ARNT2: variants seen among roughly 807,000 people sequenced by gnomAD.
The protein encoded by ARNT2 is aryl hydrocarbon receptor nuclear translocator 2, also known as ARNT protein 2.
A neutral mutation model predicts 91.7 loss-of-function variants in ARNT2; 36 were observed. That is an observed-to-expected ratio of 0.39 (90% CI 0.30 to 0.52). The LOEUF (loss-of-function observed/expected upper bound fraction) is 0.52, where lower values mean the gene tolerates loss of function less well. ARNT2 is among the 20% of genes least tolerant of loss of function. The pLI, the probability that ARNT2 is intolerant of heterozygous loss-of-function variation, is 0.72. For synonymous variants in ARNT2, 365 were observed against 347.1 expected, an observed-to-expected ratio of 1.05 and a Z score of -0.57; for missense variants, 775 against 939.3, an observed-to-expected ratio of 0.83 and a Z score of 2.29.
intron 1 of ARNT2, among the ~76,000 whole-genome samples, chr15:80,415,154 C>G (rs186025610): frequency 2.6e-5 from 4 of 152,230 alleles, no homozygotes; most frequent in African/African-American, 9.6e-5. Flanking sequence ...GCCTTATTCC[C>G]AGCTGCTTGC....
chr15:80,546,342 T>C (rs1276352374), intron 8 of ARNT2, among the ~76,000 whole-genome samples: 1 of 152,220 alleles, frequency 6.6e-6, no homozygotes, highest in Non-Finnish European at 1.5e-5. Flanking sequence ...CCAAAAGCCA[T>C]GCTCATGACT....
chr15:80,480,121 G>A (rs1896863768), intron 5 of ARNT2, among the ~76,000 whole-genome samples: 1 of 152,164 alleles, frequency 6.6e-6, no homozygotes, highest in Admixed American at 6.5e-5. Flanking sequence ...GATGGAGCAT[G>A]GAGGTGCCAG....
At chr15:80,454,462 CTA>C (rs1191795346) in intron 2 of ARNT2, among the ~76,000 whole-genome samples, 2 of 152,230 alleles carry the variant, frequency 1.3e-5, no homozygotes, top group African/African-American at 4.8e-5. Context: ...AGCCAATGGA[CTA>C]TTTTCAAGTT....
intron 12 of ARNT2, among the ~76,000 whole-genome samples, chr15:80,569,929 A>C (rs1361885845): frequency 1.3e-5 from 2 of 152,244 alleles, no homozygotes; most frequent in African/African-American, 2.4e-5. Context: ...CCTGGGCCAG[A>C]GAATGGTTCA....
At chr15:80,518,296 T>TG (rs1161624625) in intron 8 of ARNT2, among the ~76,000 whole-genome samples, 6 of 145,630 alleles carry the variant, frequency 4.1e-5, no homozygotes, top group African/African-American at 1.5e-4. Flanking sequence ...TTTTTTTTTT[T>TG]TTTGAGATGG....
In ARNT2 at chr15:80,404,772, C is replaced by T. The variant is rs1379542326; in HGVS notation, c.31+226C>T. Among the ~76,000 whole-genome samples, 9 of 152,178 alleles carry T rather than the reference C, an allele frequency of 5.9e-5. No individual in the cohort carries two copies. In the East Asian group the frequency reaches 1.6e-3, roughly 26 times the overall value. ...CCGGGCAGGCGCCGGTCCGGACCCG[C>T]GGGCGGCCGGACGCTGGCCTCGCAT... On this transcript the variant is annotated intron_variant, in intron 1 of 18. Coordinates refer to ENST00000303329, the MANE Select transcript of ARNT2 (RefSeq NM_014862.4). The surrounding 1 kb of genome is among the most constrained non-coding windows in gnomAD (Gnocchi z 5.5).
chr15:80,448,297 A>G (rs909737688), intron 1 of ARNT2, among the ~76,000 whole-genome samples: 2 of 152,218 alleles, frequency 1.3e-5, no homozygotes, highest in Admixed American at 6.5e-5. Flanking sequence ...TTTTTACTCA[A>G]TATTGCTCTG....
At position 80,426,090 on chromosome 15, in the gene ARNT2, C is replaced by T. The variant is rs566863297; in HGVS notation, c.31+21544C>T. ...AAAAGAAAAGAAAAGAAAAGAAACT[C>T]TATAGGATACGTTTCTTTTTCACTC... is the stretch of plus-strand genomic sequence containing the variant. On this transcript the variant is annotated intron_variant, in intron 1 of 18. Transcript: ENST00000303329. Among the ~76,000 whole-genome samples, 4 of 132,226 alleles carry T rather than the reference C, an allele frequency of 3.0e-5. No homozygotes were observed. The South Asian group carries it at 9.2e-4, about 30-fold the overall frequency. The allele number at this position is 132,226 out of a possible 152,430, so 86.7% of individuals were successfully genotyped here. A position where few individuals can be genotyped will look rare whatever the true frequency, so the allele number is the denominator to read the frequency against.
chr15:80,580,746 A>C (rs760918817), intron 16 of ARNT2, among the ~76,000 whole-genome samples, 197 bp downstream of exon 16: 8 of 152,192 alleles, frequency 5.3e-5, no homozygotes, highest in Non-Finnish European at 1.0e-4. Context: ...CTGCAACTTC[A>C]GCAGCCTTTT....
At chr15:80,585,141 C>T (rs557830920) in intron 17 of ARNT2, among the ~76,000 whole-genome samples, 3 of 152,316 alleles carry the variant, frequency 2.0e-5, no homozygotes, top group South Asian at 2.1e-4. Context: ...AGACCTTTCA[C>T]GTTATCTTGA....
intron 12 of ARNT2, among the ~76,000 whole-genome samples, chr15:80,571,591 C>G (rs547802913): frequency 6.6e-6 from 1 of 152,262 alleles, no homozygotes; most frequent in South Asian, 2.1e-4. Context: ...AGTGGAGGGA[C>G]TGGCTGGAAA....
intron 3 of ARNT2, among the ~76,000 whole-genome samples, chr15:80,466,070 G>T (rs1479714186): frequency 1.3e-5 from 2 of 152,222 alleles, no homozygotes; most frequent in Non-Finnish European, 1.5e-5. Context: ...CCAGCATGGG[G>T]CTGTCTCATT....
chr15:80,433,981 G>C (rs1371649530), intron 1 of ARNT2: 1 of 152,250 alleles, frequency 6.6e-6, no homozygotes, highest in Admixed American at 6.5e-5. Flanking sequence ...GTATGAGGCA[G>C]GACCCTCTCT....
intron 1 of ARNT2, among the ~76,000 whole-genome samples, chr15:80,428,124 TGA>T (rs1895958405): frequency 6.6e-6 from 1 of 152,232 alleles, no homozygotes; most frequent in African/African-American, 2.4e-5. Context: ...GCTGAATGAC[TGA>T]GTGGAAGACT....
At chr15:80,530,402 C>G (rs772558593) in intron 8 of ARNT2, among the ~76,000 whole-genome samples, 1 of 152,136 alleles carries the variant, frequency 6.6e-6, no homozygotes, top group African/African-American at 2.4e-5. Flanking sequence ...GATCTGCTCT[C>G]CCTCACAACA....
At position 80,499,430 on chromosome 15, in the gene ARNT2, A is replaced by G. The variant is rs115488554; in HGVS notation, c.623-8726A>G. Among the ~76,000 whole-genome samples, 920 of 152,360 alleles carry G rather than the reference A, an allele frequency of 6.0e-3. 9 individuals are homozygous for G. The highest frequency in any genetic ancestry group is 0.021 in the African/African-American group (894 of 41,590). On this transcript the variant is annotated intron_variant, in intron 5 of 18. Coordinates refer to ENST00000303329, the MANE Select transcript of ARNT2 (RefSeq NM_014862.4). ...TCTGTCAAAGGCCACAGAACATTGT[A>G]TTAGCCTGAACTATTTGGTTGCAGG... is the stretch of plus-strand genomic sequence containing the variant.
At chr15:80,432,281 G>A (rs561074624) in intron 1 of ARNT2, among the ~76,000 whole-genome samples, 6 of 152,134 alleles carry the variant, frequency 3.9e-5, no homozygotes, top group Non-Finnish European at 7.3e-5. Flanking sequence ...AAGATTTCTC[G>A]CCTCTTCTTG....
At chr15:80,411,632 C>T (rs191057589) in intron 1 of ARNT2, among the ~76,000 whole-genome samples, 3 of 152,274 alleles carry the variant, frequency 2.0e-5, no homozygotes, top group Admixed American at 2.0e-4. Flanking sequence ...CATCATTCTT[C>T]CCAGAAGAAG....
At chr15:80,502,309 A>G (rs1372464341) in intron 5 of ARNT2, among the ~76,000 whole-genome samples, 1 of 152,224 alleles carries the variant, frequency 6.6e-6, no homozygotes, top group Non-Finnish European at 1.5e-5. Context: ...TGCCCCGGAC[A>G]GGAGGAAAGC....
Sources: gnomAD v4.1 joint callset for allele counts (sites outside exome capture counted in the v4.1 genomes callset) on GRCh38, gnomAD v4.1.1 for gene constraint, Gnocchi (gnomAD v3.1) non-coding constraint, MANE v1.5 for transcripts, NCBI Gene and HGNC (gene_info 2026-07-23, HGNC 2026-07-21) for gene names.